NAALADL2: variants seen among roughly 807,000 people sequenced by gnomAD.
NAALADL2 encodes N-acetylated alpha-linked acidic dipeptidase like 2, also known as inactive N-acetylated-alpha-linked acidic dipeptidase-like protein 2.
Under a neutral mutation model 87.2 loss-of-function variants are expected in NAALADL2, and 76 were observed. The ratio of observed to expected loss-of-function variants is 0.87; its 90% confidence interval spans 0.72 to 1.05. The LOEUF is 1.05. Ranked by LOEUF, NAALADL2 falls within the 50% of genes least tolerant of loss-of-function variation. The pLI is 0.00. For synonymous variants in NAALADL2, 354 were observed against 331.0 expected (o/e 1.07, Z -0.75); for missense variants, 1,089 against 945.8 (o/e 1.15, Z -1.99).
intron 4 of NAALADL2, among the ~76,000 whole-genome samples, chr3:175,323,199 G>A (rs1223493999): frequency 6.6e-6 from 1 of 150,416 alleles, no homozygotes; most frequent in African/African-American, 2.5e-5. Context: ...GGACATGGAT[G>A]AAGCTGGAAA....
At chr3:174,970,678 A>G (rs1743501045) in intron 1 of NAALADL2, among the ~76,000 whole-genome samples, 1 of 152,324 alleles carries the variant, frequency 6.6e-6, no homozygotes, top group Non-Finnish European at 1.5e-5. Flanking sequence ...GTTGTTCTTC[A>G]ATACATCTTT....
At chr3:175,360,740 T>C (rs553246696) in intron 5 of NAALADL2, among the ~76,000 whole-genome samples, 1 of 152,108 alleles carries the variant, frequency 6.6e-6, no homozygotes, top group South Asian at 2.1e-4. Context: ...TATAACTCTT[T>C]CTTCATTTAT....
chr3:174,846,640 TTATG>T (rs1165384469), intron 3 of NAALADL2, among the ~76,000 whole-genome samples: 3 of 152,142 alleles, frequency 2.0e-5, no homozygotes, highest in African/African-American at 7.2e-5. Context: ...ATAAATATGA[TTATG>T]TATGTATGAT....
chr3:175,030,959 T>C (rs1752733703), intron 1 of NAALADL2, among the ~76,000 whole-genome samples: 2 of 151,988 alleles, frequency 1.3e-5, no homozygotes, highest in Admixed American at 1.3e-4. Context: ...CCCTGCACCC[T>C]GCAAGCCATA....
intron 2 of NAALADL2, among the ~76,000 whole-genome samples, chr3:175,118,939 T>C (rs1725705218): frequency 6.6e-6 from 1 of 151,780 alleles, no homozygotes; most frequent in South Asian, 2.1e-4. Context: ...GATATGCTGG[T>C]CATCAGGTAG....
intron 2 of NAALADL2, among the ~76,000 whole-genome samples, chr3:174,642,629 C>T (rs1298851578): frequency 1.3e-5 from 2 of 151,522 alleles, no homozygotes; most frequent in Non-Finnish European, 2.9e-5. Context: ...TCTTTCTCTT[C>T]CTTGGGCTAA....
At chr3:174,491,482 A>G (rs1276189558) in intron 1 of NAALADL2, among the ~76,000 whole-genome samples, 2 of 152,146 alleles carry the variant, frequency 1.3e-5, no homozygotes, top group Admixed American at 1.3e-4. Flanking sequence ...TGAATAATTT[A>G]TCTTTATTAT....
chr3:174,662,882 T>C (rs918276966), intron 2 of NAALADL2, among the ~76,000 whole-genome samples: 2 of 152,212 alleles, frequency 1.3e-5, no homozygotes, highest in Non-Finnish European at 2.9e-5. Context: ...ACAGTCTTCA[T>C]GATGTTATCA....
intron 10 of NAALADL2, among the ~76,000 whole-genome samples, chr3:175,620,082 A>AG (rs1304652667): frequency 2.0e-5 from 3 of 151,476 alleles, no homozygotes; most frequent in South Asian, 2.1e-4. Context: ...TGGAAAAAAA[A>AG]AAAAATTGGA....
intron 3 of NAALADL2, among the ~76,000 whole-genome samples, chr3:174,778,145 A>G (rs1715445846): frequency 6.6e-6 from 1 of 152,060 alleles, no homozygotes; most frequent in Admixed American, 6.6e-5. Flanking sequence ...ATCTCAAAAT[A>G]ATGTTGAACT....
At chr3:174,990,368 T>C (rs192280471) in intron 1 of NAALADL2, among the ~76,000 whole-genome samples, 95 of 152,272 alleles carry the variant, frequency 6.2e-4, no homozygotes, top group Non-Finnish European at 9.4e-4. Flanking sequence ...TTACATGGTA[T>C]CCATTACCAA....
chr3:175,460,003 T>C, intron 6 of NAALADL2: 2 of 320,960 alleles, frequency 6.2e-6, no homozygotes, highest in South Asian at 5.0e-5. Flanking sequence ...GTCATTTCCC[T>C]GTTTCACATG....
chr3:175,064,116 T>C (rs1241575491), intron 1 of NAALADL2, among the ~76,000 whole-genome samples: 2 of 152,036 alleles, frequency 1.3e-5, no homozygotes, highest in Non-Finnish European at 2.9e-5. Context: ...CTAGATCTTA[T>C]ATAGACTCTC....
chr3:174,542,243 A>G (rs558984408), intron 1 of NAALADL2, among the ~76,000 whole-genome samples: 2 of 152,244 alleles, frequency 1.3e-5, no homozygotes, highest in Admixed American at 1.3e-4. Context: ...ACCAAGAAAG[A>G]AGTCCTACTA....
chr3:174,865,055 T>C (rs79384577), intron 1 of NAALADL2, among the ~76,000 whole-genome samples: 3,996 of 152,116 alleles, frequency 0.026, 167 homozygotes, highest in African/African-American at 0.091. Flanking sequence ...TGGTGACAGA[T>C]ATGTTTAACC....
At chr3:175,608,013 T>G (rs1189461917) in intron 10 of NAALADL2, among the ~76,000 whole-genome samples, 2 of 151,494 alleles carry the variant, frequency 1.3e-5, no homozygotes, top group Non-Finnish European at 2.9e-5. Context: ...GCTAAGGATT[T>G]TTGCCCGAGG....
At chr3:175,633,912 T>G (rs1257841170) in intron 11 of NAALADL2, among the ~76,000 whole-genome samples, 3 of 151,628 alleles carry the variant, frequency 2.0e-5, no homozygotes, top group Admixed American at 6.6e-5. Context: ...TATTACAACA[T>G]GACAAAGAAA....
intron 2 of NAALADL2, among the ~76,000 whole-genome samples, chr3:175,181,585 G>T (rs1428457879): frequency 6.7e-6 from 1 of 149,746 alleles, no homozygotes; most frequent in Admixed American, 6.7e-5. Context: ...TCTGTACCTG[G>T]CTTATTTCAG....
At chr3:175,592,981 T>C (rs1159386875) in intron 10 of NAALADL2, among the ~76,000 whole-genome samples, 2 of 152,286 alleles carry the variant, frequency 1.3e-5, no homozygotes, top group East Asian at 1.9e-4. Flanking sequence ...CATGCTTTCA[T>C]TGAACAATTC....
Sources: gnomAD v4.1 joint callset for allele counts (sites outside exome capture counted in the v4.1 genomes callset) on GRCh38, gnomAD v4.1.1 for gene constraint, MANE v1.5 for transcripts, NCBI Gene and HGNC (gene_info 2026-07-23, HGNC 2026-07-21) for gene names.